Variants in GCN1 observed in about 807,000 individuals in gnomAD.
The protein encoded by GCN1 is stalled ribosome sensor GCN1.
Under a neutral mutation model 288.4 loss-of-function variants are expected in GCN1, and 90 were observed. That is an observed-to-expected ratio of 0.31 (90% CI 0.26 to 0.37). The LOEUF (loss-of-function observed/expected upper bound fraction) is 0.37, where lower values mean the gene tolerates loss of function less well. Among genes scored for constraint, GCN1 ranks in the 10% least tolerant of loss-of-function variants. GCN1 has a pLI of 1.00. For synonymous variants in GCN1, 1,386 were observed against 1,420.2 expected, an observed-to-expected ratio of 0.98 and a Z score of 0.54; for missense variants, 2,586 against 3,419.9, an observed-to-expected ratio of 0.76 and a Z score of 6.08.
At chr12:120,169,266 A>G (rs57286285) in intron 15 of GCN1, among the ~76,000 whole-genome samples, 36,269 of 141,730 alleles carry the variant, frequency 0.26, 6,316 homozygotes, top group East Asian at 0.57. Flanking sequence ...GACAGAGCGA[A>G]ACTCCGTCTC....
intron 57 of GCN1, among the ~76,000 whole-genome samples, chr12:120,128,284 C>T (rs536216056): frequency 1.3e-5 from 2 of 151,816 alleles, no homozygotes; most frequent in East Asian, 1.9e-4. Flanking sequence ...GCCATCGCAC[C>T]TGGCCCCATC....
At chr12:120,148,875 G>C (rs1269039643) in intron 36 of GCN1, among the ~76,000 whole-genome samples, 1 of 152,028 alleles carries the variant, frequency 6.6e-6, no homozygotes, top group Non-Finnish European at 1.5e-5. Flanking sequence ...GTTGGAGTGT[G>C]GTGGCAAGAT....
In GCN1 at chr12:120,138,240, C is replaced by T. The variant is rs183789260; in HGVS notation, c.6249+83G>A. On this transcript the variant is annotated intron_variant, in intron 47 of 57. Transcript: ENST00000300648. ...TCCTCCCCCAGCCCTCCAACATCTA[C>T]GTTCAGAACTGGTCTTCACTGCAGG... 22 of 995,812 alleles carry T rather than the reference C, an allele frequency of 2.2e-5. No homozygotes were observed. In the East Asian group the frequency reaches 3.3e-4, roughly 15 times the overall value. The allele number at this position is 995,812 out of a possible 1,614,324, so 61.7% of individuals were successfully genotyped here.
chr12:120,168,170 C>T (rs764818797), intron 16 of GCN1, 38 bp downstream of exon 16: 2 of 1,195,664 alleles, frequency 1.7e-6, no homozygotes, highest in South Asian at 2.4e-5. Context: ...AGAGACTTTG[C>T]CTCAATCCCG....
At chr12:120,176,365 T>A (rs955667141) in intron 9 of GCN1, 148 bp from the exon 10 acceptor site, 3 of 614,282 alleles carry the variant, frequency 4.9e-6, no homozygotes, top group Non-Finnish European at 8.7e-6. Context: ...AAAGCTCTGC[T>A]GAAAAGCTGT....
Position 120,160,004 on chromosome 12 carries a change from G to A in GCN1, c.2570C>T (p.Ala857Val), listed in dbSNP as rs778798045. 5.5e-5 allele frequency: 88 copies of A among 1,613,930 alleles called. No individual in the cohort carries two copies. The highest frequency in any genetic ancestry group is 6.9e-5 in the Non-Finnish European group (81 of 1,179,954). Residue 857 changes from alanine (A) to valine (V), a missense_variant, in exon 24 of 58, where the codon GCG becomes GTG. By Grantham distance (64) the Ala-to-Val change is moderately conservative. Coordinates refer to ENST00000300648, the MANE Select transcript of GCN1 (RefSeq NM_006836.2). ...GATGATGTCCAGCAGTCCAAGCGCC[G>A]CCTCCAGCTCCCCATCCAGCTGCAA... The part of the protein sequence containing the change: ...RLQELDGELE[A>V]ALGLLDIILA...
At chr12:120,164,865 GTTT>G (rs1179691643) in intron 16 of GCN1, 144 bp from the exon 17 acceptor site, 85 of 372,930 alleles carry the variant, frequency 2.3e-4, no homozygotes, top group Middle Eastern at 5.9e-4. Context: ...ATTACAGCTT[GTTT>G]TTTTTTTTTT....
rs1249077897 is a variant in GCN1 at position 120,175,326 on chromosome 12, C to G, written c.1043-114G>C. 6 of 1,000,004 alleles carry G rather than the reference C, an allele frequency of 6.0e-6. No homozygotes were observed. The Admixed American group carries it at 1.1e-4, about 19-fold the overall frequency. 61.9% of individuals were successfully genotyped at this position (1,000,004 alleles called of 1,614,324 possible). On this transcript the variant is annotated intron_variant, in intron 11 of 57. Transcript: ENST00000300648. ...TACGGTTTCTGATTCCAGAAGTAGC[C>G]TTTGTGTTGTGAAGCTGGGTTTAAA...
At chr12:120,188,229 T>A (rs1425730376) in intron 2 of GCN1, among the ~76,000 whole-genome samples, 2 of 149,064 alleles carry the variant, frequency 1.3e-5, no homozygotes, top group African/African-American at 5.0e-5. Context: ...AGATCAGGAG[T>A]TCAAGACCAG....
rs1237497949 is a variant in GCN1, at chr12:120,149,926, C to T, written c.4427G>A (p.Arg1476His). The T allele has an allele frequency of 6.2e-7, 1 of 1,614,190 alleles. No individual in the cohort carries two copies. Among genetic ancestry groups the T allele is most frequent in the Non-Finnish European group, 8.5e-7 (1 of 1,180,030 alleles). The change falls in exon 35 of 58, where the codon CGT becomes CAT. Residue 1476 changes from arginine to histidine, a missense_variant. Arg to His is a conservative substitution (Grantham distance 29, BLOSUM62 0). Around this residue, in one of 8 missense-constraint regions of GCN1, gnomAD observed 371 missense variants for 572.6 expected, o/e 0.65. Coordinates refer to ENST00000300648, the MANE Select transcript of GCN1 (RefSeq NM_006836.2). ...LCFGDGNQYV[R>H]EAADDCAKAV... ...CCGAGCAGTCCGGGGACTTACCTCA[C>T]GCACATACTGGTTTCCATCCCCAAA... is the stretch of plus-strand genomic sequence containing the variant.
chr12:120,136,784 G>A (rs1877018361), intron 50 of GCN1, 52 bp from the exon 51 acceptor site: 1 of 1,390,208 alleles, frequency 7.2e-7, no homozygotes, highest in South Asian at 1.2e-5. Flanking sequence ...CTGGGCCCTG[G>A]TGTCTCCCAT....
chr12:120,175,405 A>G (rs1396411175), intron 11 of GCN1, among the ~76,000 whole-genome samples, 193 bp from the exon 12 acceptor site: 1 of 152,220 alleles, frequency 6.6e-6, no homozygotes, highest in Non-Finnish European at 1.5e-5. Context: ...TTCCTACAAA[A>G]AACTTGAGAA....
chr12:120,188,530 G>A (rs143996936), intron 2 of GCN1, among the ~76,000 whole-genome samples: 8 of 151,388 alleles, frequency 5.3e-5, no homozygotes, highest in African/African-American at 9.7e-5. Context: ...TGACTTCCAC[G>A]GAACACAGAT....
chr12:120,191,099 T>C (rs1878990407), intron 1 of GCN1, among the ~76,000 whole-genome samples: 1 of 152,188 alleles, frequency 6.6e-6, no homozygotes, highest in African/African-American at 2.4e-5. Flanking sequence ...GCATCTACTC[T>C]CATCCCAAGC....
chr12:120,162,342 C>T (rs994609555), intron 20 of GCN1: 77 of 465,260 alleles, frequency 1.7e-4, no homozygotes, highest in African/African-American at 1.4e-3. Context: ...CAGAGGTAGG[C>T]ATGTGACCCA....
rs906445894 is a variant in GCN1, at chr12:120,144,892, A to C, written c.5155+31T>G. ...TCTGAGGGCCCCTTAGAGCATTCCC[A>C]GGCTGGCCACTGGACCTGCTCTGGC... On this transcript the variant is annotated intron_variant, in intron 40 of 57. Coordinates refer to ENST00000300648, the MANE Select transcript of GCN1 (RefSeq NM_006836.2). The surrounding 1 kb of genome is among the most constrained non-coding windows in gnomAD (Gnocchi z 4.7). 1.2e-6 allele frequency: 2 copies of C among 1,614,004 alleles called. No individual in the cohort carries two copies. Among genetic ancestry groups the C allele is most frequent in the African/African-American group, 2.7e-5 (2 of 74,940 alleles).
At chr12:120,132,447 G>A (rs1306468144) in intron 53 of GCN1, among the ~76,000 whole-genome samples, 2 of 152,162 alleles carry the variant, frequency 1.3e-5, no homozygotes, top group Non-Finnish European at 2.9e-5. Flanking sequence ...CAGGGAAGCC[G>A]GCTAGAGACG....
At chr12:120,152,783 C>A (rs1012387734) in intron 33 of GCN1, among the ~76,000 whole-genome samples, 5 of 151,808 alleles carry the variant, frequency 3.3e-5, no homozygotes, top group Non-Finnish European at 7.4e-5. Flanking sequence ...CTGTAACACA[C>A]AACCAACACA....
At chr12:120,193,366 T>C (rs12230540) in intron 1 of GCN1, among the ~76,000 whole-genome samples, 96,185 of 151,916 alleles carry the variant, frequency 0.63, 31,396 homozygotes, top group East Asian at 0.98. Context: ...AGCGCAGTGG[T>C]GCGATCTCAG....
Sources: gnomAD v4.1 joint callset for allele counts (sites outside exome capture counted in the v4.1 genomes callset) on GRCh38, gnomAD v4.1.1 for gene constraint, gnomAD v4.1.1 regional missense constraint, Gnocchi (gnomAD v3.1) non-coding constraint, MANE v1.5 for transcripts, NCBI Gene and HGNC (gene_info 2026-07-23, HGNC 2026-07-21) for gene names.